The following NSFL1C variants were observed in gnomAD, a reference collection of about 807,000 sequenced individuals.
The protein encoded by NSFL1C is NSFL1 cofactor.
Under a neutral mutation model 43.1 loss-of-function variants are expected in NSFL1C, and 14 were observed. The observed-to-expected ratio is 0.32, with a 90% CI of 0.21 to 0.51. NSFL1C has a LOEUF of 0.51. NSFL1C is among the 20% of genes least tolerant of loss of function. The pLI, the probability that NSFL1C is intolerant of heterozygous loss-of-function variation, is 0.98. For synonymous variants in NSFL1C, 171 were observed against 183.5 expected (o/e 0.93, Z 0.55); for missense variants, 406 against 472.5 (o/e 0.86, Z 1.30).
chr20:1,458,344 T>G, intron 2 of NSFL1C, 70 bp from the exon 3 acceptor site: 6 of 1,269,638 alleles, frequency 4.7e-6, no homozygotes, highest in Non-Finnish European at 4.6e-6. Flanking sequence ...CACCAGCTGC[T>G]AAGGAGGTGA....
chr20:1,458,362 G>A, intron 2 of NSFL1C, 88 bp from the exon 3 acceptor site: 1 of 1,092,854 alleles, frequency 9.2e-7, no homozygotes, highest in Non-Finnish European at 1.4e-6. Flanking sequence ...TGAAGACACT[G>A]AGGTTACATT....
Position 1,458,284 on chromosome 20 carries a change from C to T in NSFL1C, c.204-10G>A. On this transcript the variant is annotated splice_polypyrimidine_tract_variant and intron_variant, in intron 2 of 8. Transcript: ENST00000216879. ...TGTCACTCTATTATCACTGGAGACA[C>T]AGAAAGGAGCAAAATGATCTCAGGG... 1.2e-6 allele frequency: 2 copies of T among 1,609,542 alleles called. No individual in the cohort carries two copies. Among genetic ancestry groups the T allele is most frequent in the Non-Finnish European group, 1.7e-6 (2 of 1,175,968 alleles).
At position 1,457,446 on chromosome 20, in the gene NSFL1C, C is replaced by G. The variant is rs563873297; in HGVS notation, c.278+754G>C. Among the ~76,000 whole-genome samples the G allele has an allele frequency of 1.2e-4, 18 of 152,276 alleles. No homozygotes were observed. In the South Asian group the frequency reaches 3.7e-3, roughly 32 times the overall value. ...ACTCAAAATTTTTGTGGTGAGAACACTTGAAATTAACACTTGGCAATTTTG... is the reference window on the plus strand; with the variant it reads ...ACTCAAAATTTTTGTGGTGAGAACAGTTGAAATTAACACTTGGCAATTTTG... On this transcript the variant is annotated intron_variant, in intron 3 of 8. Transcript: ENST00000216879.
intron 2 of NSFL1C, among the ~76,000 whole-genome samples, chr20:1,460,749 G>A (rs942559262): frequency 5.9e-5 from 9 of 152,206 alleles, no homozygotes; most frequent in Non-Finnish European, 1.2e-4. Context: ...TAGAGAAAAC[G>A]AGTAACAATG....
At chr20:1,450,774 A>G (rs2090166270) in intron 7 of NSFL1C, among the ~76,000 whole-genome samples, 1 of 152,226 alleles carries the variant, frequency 6.6e-6, no homozygotes, top group Non-Finnish European at 1.5e-5. Context: ...AGAGATATTC[A>G]CTGCAATGTT....
In NSFL1C at chr20:1,458,184, C is replaced by A; in HGVS notation, c.278+16G>T. On this transcript the variant is annotated intron_variant, in intron 3 of 8. Transcript: ENST00000216879. The stretch of plus-strand genomic sequence containing the variant: ...TCCCTGTGAACTGTCCCCCTGACCC[C>A]CTCTAGAAGACTCACCTCTGGCCTT... 6.2e-7 allele frequency: 1 copy of A among 1,609,082 alleles called. No individual in the cohort carries two copies. The highest frequency in any genetic ancestry group is 1.1e-5 in the South Asian group (1 of 90,996).
At chr20:1,451,139 G>C (rs923800108) in intron 7 of NSFL1C, among the ~76,000 whole-genome samples, 1 of 152,102 alleles carries the variant, frequency 6.6e-6, no homozygotes, top group Non-Finnish European at 1.5e-5. Context: ...ACAACTGACA[G>C]GGACACTCTC....
In NSFL1C at chr20:1,443,820, G is replaced by A; in HGVS notation, c.1042C>T (p.Leu348=). The A allele has an allele frequency of 6.2e-7, 1 of 1,614,144 alleles. No homozygotes were observed. Among genetic ancestry groups the A allele is most frequent in the Non-Finnish European group, 8.5e-7 (1 of 1,180,034 alleles). ...ILMTTFPNKE[L]ADESQTLKEA... ...TTCAGGGTCTGGCTCTCATCAGCCA[G>A]CTCTTTGTTCGGGAAAGTAGTCATG... The change falls in exon 9 of 9, where the codon CTG becomes TTG. Residue 348 remains leucine (L), a synonymous_variant. Transcript: ENST00000216879.
intron 3 of NSFL1C, 153 bp downstream of exon 3, chr20:1,458,047 G>C (rs180703922): frequency 1.6e-6 from 1 of 637,656 alleles, no homozygotes; most frequent in Non-Finnish European, 2.9e-6. Flanking sequence ...AGGAGTAGAA[G>C]AGACTTCCTA....
At chr20:1,446,052 C>G (rs922566443) in intron 7 of NSFL1C, 1 of 583,636 alleles carries the variant, frequency 1.7e-6, no homozygotes, top group Non-Finnish European at 3.1e-6. Flanking sequence ...TTATTGCTAG[C>G]TCCCTCGCTC....
intron 3 of NSFL1C, chr20:1,455,570 T>C: frequency 1.4e-6 from 1 of 738,982 alleles, no homozygotes; most frequent in African/African-American, 1.7e-5. Context: ...TTGGGGTTAA[T>C]GGTGGCACTG....
chr20:1,462,041 T>C (rs1172919126), intron 2 of NSFL1C, among the ~76,000 whole-genome samples: 1 of 152,158 alleles, frequency 6.6e-6, no homozygotes, highest in Non-Finnish European at 1.5e-5. Flanking sequence ...TTTCAGGTAT[T>C]AATAGAGACC....
At chr20:1,450,904 A>G (rs1370696621) in intron 7 of NSFL1C, among the ~76,000 whole-genome samples, 1 of 152,230 alleles carries the variant, frequency 6.6e-6, no homozygotes, top group East Asian at 1.9e-4. Context: ...CTTACTGATA[A>G]AGGATGATAG....
At chr20:1,445,949 G>T in intron 7 of NSFL1C, 119 bp from the exon 8 acceptor site, 1 of 1,105,862 alleles carries the variant, frequency 9.0e-7, no homozygotes, top group Non-Finnish European at 1.3e-6. Context: ...TGGTGCTGCT[G>T]ATCTATTGAC....
intron 4 of NSFL1C, 66 bp from the exon 5 acceptor site, chr20:1,454,371 A>AT: frequency 9.4e-7 from 1 of 1,066,104 alleles, no homozygotes; most frequent in Non-Finnish European, 1.4e-6. Flanking sequence ...CTCAGATACA[A>AT]TGATATATAT....
intron 8 of NSFL1C, 113 bp from the exon 9 acceptor site, chr20:1,444,024 G>A: frequency 1.7e-6 from 2 of 1,182,210 alleles, no homozygotes; most frequent in East Asian, 2.6e-5. Flanking sequence ...CCACAGAACA[G>A]CGAAAGCTAC....
intron 2 of NSFL1C, among the ~76,000 whole-genome samples, chr20:1,462,527 CT>C (rs5839910): frequency 1.5e-3 from 216 of 144,926 alleles, no homozygotes; most frequent in Admixed American, 1.8e-3. Context: ...ACTTTTATGC[CT>C]TTTTTTTTTT....
chr20:1,455,752 G>T (rs1263173319), intron 3 of NSFL1C: 1 of 779,334 alleles, frequency 1.3e-6, no homozygotes, highest in Non-Finnish European at 2.4e-6. Context: ...CAAATCAGCA[G>T]ATGTATGCAA....
At chr20:1,444,356 G>A (rs541274138) in intron 8 of NSFL1C, among the ~76,000 whole-genome samples, 6 of 152,252 alleles carry the variant, frequency 3.9e-5, no homozygotes, top group African/African-American at 7.2e-5. Context: ...CTCCTTCCAC[G>A]TTTCTGGGAT....
Sources: gnomAD v4.1 joint callset for allele counts (sites outside exome capture counted in the v4.1 genomes callset) on GRCh38, gnomAD v4.1.1 for gene constraint, MANE v1.5 for transcripts, NCBI Gene and HGNC (gene_info 2026-07-23, HGNC 2026-07-21) for gene names.